The following G3BP2 variants were observed in gnomAD, a reference collection of about 807,000 sequenced individuals.
G3BP2 encodes G3BP stress granule assembly factor 2.
In G3BP2, 11 loss-of-function variants were observed where a neutral mutation model predicts 56.7. That is an observed-to-expected ratio of 0.19 (90% CI 0.12 to 0.32). The LOEUF (loss-of-function observed/expected upper bound fraction) is 0.32. Among genes scored for constraint, G3BP2 ranks in the 10% least tolerant of loss-of-function variants. The probability of loss-of-function intolerance (pLI) is 1.00; values close to 1 mark genes in which losing one functional copy is unlikely to be tolerated. For missense variants in G3BP2, 340 were observed against 610.9 expected, an observed-to-expected ratio of 0.56 and a Z score of 4.67; for synonymous variants, 165 against 191.6, an observed-to-expected ratio of 0.86 and a Z score of 1.15.
At chr4:75,657,444 C>CA (rs1014383019) in intron 4 of G3BP2, 113 bp downstream of exon 4, 1 of 773,120 alleles carries the variant, frequency 1.3e-6, no homozygotes. Context: ...AGGTCAAACA[C>CA]AAATTCCCCA....
At chr4:75,701,199 A>G (rs12647909) in intron 3 of G3BP2, among the ~76,000 whole-genome samples, 46,799 of 152,012 alleles carry the variant, frequency 0.31, 8,698 homozygotes, top group East Asian at 0.76. Flanking sequence ...ATCCCCCCCA[A>G]TTTGCAAAAA....
chr4:75,697,264 ACTCTGT>A (rs1560417938), intron 3 of G3BP2, among the ~76,000 whole-genome samples: 1 of 116,770 alleles, frequency 8.6e-6, no homozygotes, highest in Admixed American at 1.0e-4. Flanking sequence ...ACAGAGCGAG[ACTCTGT>A]CTCAAAAAAA....
chr4:75,656,295 A>G (rs1042610480), intron 5 of G3BP2, among the ~76,000 whole-genome samples: 3 of 148,530 alleles, frequency 2.0e-5, no homozygotes, highest in South Asian at 2.1e-4. Context: ...CTCGGCTCCA[A>G]TTTTTTTTTT....
chr4:75,678,503 G>A lies in G3BP2; in HGVS notation c.-24-16454C>T, dbSNP rs1733960973. Reference sequence around the variant, plus strand: ...CAAATAGACTAAAACAAATGATAATGCTGTCAACAGCATAGTATTTAAAGA... The same window carrying A: ...CAAATAGACTAAAACAAATGATAATACTGTCAACAGCATAGTATTTAAAGA... On this transcript the variant is annotated intron_variant, in intron 3 of 3. Transcript: ENST00000499709. 2.0e-5 allele frequency among the ~76,000 whole-genome samples: 3 copies of A among 152,334 alleles called. No individual in the cohort carries two copies. In the South Asian group the frequency reaches 6.2e-4, roughly 32 times the overall value.
intron 3 of G3BP2, among the ~76,000 whole-genome samples, chr4:75,704,436 G>C (rs1162379032): frequency 1.3e-5 from 2 of 151,768 alleles, no homozygotes; most frequent in Non-Finnish European, 2.9e-5. Flanking sequence ...TCGGGCCTCA[G>C]CCTCCTGAGT....
At chr4:75,661,835 T>A (rs1199613767) in intron 2 of G3BP2, 96 bp downstream of exon 2, 6 of 648,094 alleles carry the variant, frequency 9.3e-6, no homozygotes, top group Non-Finnish European at 1.4e-5. Flanking sequence ...ACAAAGATAC[T>A]GTCAGATAAT....
intron 3 of G3BP2, among the ~76,000 whole-genome samples, chr4:75,689,632 C>T (rs1718769365): frequency 6.6e-6 from 1 of 152,190 alleles, no homozygotes; most frequent in African/African-American, 2.4e-5. Context: ...TTTAAATTCC[C>T]AAACAAATCC....
At chr4:75,704,253 A>G (rs6821862) in intron 3 of G3BP2, among the ~76,000 whole-genome samples, 130,085 of 151,278 alleles carry the variant, frequency 0.86, 55,936 homozygotes, top group East Asian at 0.91. Flanking sequence ...TCCTGACCTC[A>G]TGATCTGCCC....
intron 3 of G3BP2, among the ~76,000 whole-genome samples, chr4:75,719,280 G>A (rs1362767258): frequency 2.0e-5 from 3 of 147,892 alleles, no homozygotes; most frequent in African/African-American, 5.0e-5. Context: ...CCCGGGAGGC[G>A]GAGCTTGCAG....
At position 75,645,112 on chromosome 4, in the gene G3BP2, A is replaced by T. The variant is rs576936931; in HGVS notation, c.*318T>A. 2 of 292,778 alleles carry T rather than the reference A, an allele frequency of 6.8e-6. No individual in the cohort carries two copies. Among genetic ancestry groups the T allele is most frequent in the South Asian group, 7.6e-5 (1 of 13,158 alleles). The allele number at this position is 292,778 out of a possible 1,614,324, so 18.1% of individuals were successfully genotyped here. A position where few individuals can be genotyped will look rare whatever the true frequency, so the allele number is the denominator to read the frequency against. On this transcript the variant is annotated 3_prime_UTR_variant, in exon 12 of 12. Transcript: ENST00000359707. ...ACACTTAAACAAAATGTGCAGCAGAAGATTTTTTTTTTACTCAAAGGACCT... is the reference window on the plus strand; with the variant it reads ...ACACTTAAACAAAATGTGCAGCAGATGATTTTTTTTTTACTCAAAGGACCT...
Position 75,645,276 on chromosome 4 carries a change from T to C in G3BP2, c.*154A>G. ...CTGTTGTGAAATTGGGGAAATAATG[T>C]CCACCTCAATTTAACTGATAACCAA... On this transcript the variant is annotated 3_prime_UTR_variant, in exon 12 of 12. Transcript: ENST00000359707. The C allele has an allele frequency of 1.6e-6, 1 of 641,476 alleles. No homozygotes were observed. The highest frequency in any genetic ancestry group is 2.0e-5 in the South Asian group (1 of 49,308). The allele number at this position is 641,476 out of a possible 1,614,324, so 39.7% of individuals were successfully genotyped here. A position where few individuals can be genotyped will look rare whatever the true frequency, so the allele number is the denominator to read the frequency against.
chr4:75,702,641 T>C (rs1719393893), intron 3 of G3BP2, among the ~76,000 whole-genome samples: 1 of 152,258 alleles, frequency 6.6e-6, no homozygotes, highest in South Asian at 2.1e-4. Flanking sequence ...GCAAGCATTA[T>C]GCATGGTTAC....
intron 1 of G3BP2, among the ~76,000 whole-genome samples, chr4:75,670,648 C>G (rs1578411547): frequency 6.6e-6 from 1 of 152,170 alleles, no homozygotes; most frequent in South Asian, 2.1e-4. Flanking sequence ...TAAAGTTTAA[C>G]AAGTAACCTA....
Position 75,652,514 on chromosome 4 carries a change from C to T in G3BP2, c.825+1469G>A, listed in dbSNP as rs549896107. On this transcript the variant is annotated intron_variant, in intron 8 of 11. Transcript: ENST00000359707. ...GCGGGCACCTACAATCCCAGCTATT[C>T]GGGAGGCTGAGGCAGGAGAATCACT... is the stretch of plus-strand genomic sequence containing the variant. 1.7e-4 allele frequency among the ~76,000 whole-genome samples: 26 copies of T among 152,148 alleles called. No homozygotes were observed. The Middle Eastern group carries it at 0.01, about 60-fold the overall frequency.
chr4:75,693,192 C>T (rs553701581), intron 3 of G3BP2, among the ~76,000 whole-genome samples: 49 of 152,076 alleles, frequency 3.2e-4, no homozygotes, highest in Admixed American at 5.2e-4. Flanking sequence ...TGCAGTGAGC[C>T]GAGAGCATGC....
chr4:75,717,414 G>A (rs573014485), intron 3 of G3BP2, among the ~76,000 whole-genome samples: 1 of 152,220 alleles, frequency 6.6e-6, no homozygotes, highest in South Asian at 2.1e-4. Context: ...GGCTGACTTT[G>A]GAAAGTTTTG....
intron 5 of G3BP2, among the ~76,000 whole-genome samples, chr4:75,656,116 G>A (rs1732090155): frequency 6.6e-6 from 1 of 150,766 alleles, no homozygotes; most frequent in South Asian, 2.1e-4. Context: ...TCAGCCTCTT[G>A]AGTAGCTGGG....
At chr4:75,683,969 AT>A (rs899714957) in intron 3 of G3BP2, among the ~76,000 whole-genome samples, 6 of 150,898 alleles carry the variant, frequency 4.0e-5, no homozygotes, top group Admixed American at 6.6e-5. Flanking sequence ...GAAGCAGAGG[AT>A]TTTTTTTTTC....
chr4:75,648,578 G>C, intron 9 of G3BP2, 61 bp downstream of exon 9: 1 of 868,442 alleles, frequency 1.2e-6, no homozygotes, highest in Non-Finnish European at 1.9e-6. Flanking sequence ...TTTTGTTTAA[G>C]TTCAGTCTTT....
Sources: gnomAD v4.1 joint callset for allele counts (sites outside exome capture counted in the v4.1 genomes callset) on GRCh38, gnomAD v4.1.1 for gene constraint, MANE v1.5 for transcripts, NCBI Gene and HGNC (gene_info 2026-07-23, HGNC 2026-07-21) for gene names.